The following RAB10 variants were observed in gnomAD, a reference collection of about 807,000 sequenced individuals.
The protein encoded by RAB10 is ras-related protein Rab-10.
A neutral mutation model predicts 25.7 loss-of-function variants in RAB10; 5 were observed. The ratio of observed to expected loss-of-function variants is 0.19; its 90% confidence interval spans 0.10 to 0.41. RAB10 has a LOEUF of 0.41. RAB10 is among the 10% of genes least tolerant of loss of function. The pLI, the probability that RAB10 is intolerant of heterozygous loss-of-function variation, is 1.00. For missense variants in RAB10, 103 were observed against 245.8 expected (o/e 0.42, Z 3.89); for synonymous variants, 89 against 86.4 (o/e 1.03, Z -0.16).
chr2:26,042,027 A>C (rs910023710), intron 1 of RAB10, among the ~76,000 whole-genome samples: 2 of 152,224 alleles, frequency 1.3e-5, no homozygotes, highest in African/African-American at 2.4e-5. Context: ...TGGTAGTATG[A>C]GCTCAGGAAT....
chr2:26,108,907 T>G (rs1667518890), intron 2 of RAB10, among the ~76,000 whole-genome samples: 1 of 150,464 alleles, frequency 6.6e-6, no homozygotes, highest in South Asian at 2.1e-4. Context: ...ATTTATTTAT[T>G]TATTTATTTA....
chr2:26,136,966 T>G lies in RAB10; in HGVS notation c.*1945T>G, dbSNP rs1248669548. ...TTTGAAAAGTTTAGGTTAAACCTAC[T>G]GTTGTTAGATTAATGTATTTGTTGC... On this transcript the variant is annotated 3_prime_UTR_variant, in exon 6 of 6. Coordinates refer to ENST00000264710, the MANE Select transcript of RAB10 (RefSeq NM_016131.5). The G allele has an allele frequency of 6.5e-6, 1 of 152,672 alleles. No homozygotes were observed. Among genetic ancestry groups the G allele is most frequent in the Admixed American group, 6.5e-5 (1 of 15,282 alleles). The allele number at this position is 152,672 out of a possible 1,614,324, so 9.5% of individuals were successfully genotyped here. A position where few individuals can be genotyped will look rare whatever the true frequency, so the allele number is the denominator to read the frequency against.
At chr2:26,076,445 GTTA>G (rs200660648) in intron 1 of RAB10, among the ~76,000 whole-genome samples, 1 of 152,152 alleles carries the variant, frequency 6.6e-6, no homozygotes, top group East Asian at 1.9e-4. Context: ...AATCCAGGTA[GTTA>G]TTTGAGGCAG....
chr2:26,065,155 A>C (rs374766957), intron 1 of RAB10, among the ~76,000 whole-genome samples: 1 of 152,120 alleles, frequency 6.6e-6, no homozygotes. Flanking sequence ...GTGAGTATTC[A>C]GTGTGTTTGT....
At chr2:26,110,034 T>G (rs1004979147) in intron 3 of RAB10, 128 bp downstream of exon 3, 5 of 1,124,984 alleles carry the variant, frequency 4.4e-6, no homozygotes, top group Non-Finnish European at 5.9e-6. Flanking sequence ...GAAGTATTTC[T>G]ATTTTCTAAA....
Position 26,110,889 on chromosome 2 carries a change from A to G in RAB10, c.327+983A>G, listed in dbSNP as rs377436043. Among the ~76,000 whole-genome samples, 93 of 152,194 alleles carry G rather than the reference A, an allele frequency of 6.1e-4. 2 individuals are homozygous for G. In the South Asian group the frequency reaches 0.018, roughly 30 times the overall value. ...CCCGGCTAATTTTTGTATTTGTAGT[A>G]GAGATGGGGTCTCGCCATGTTGGCC... On this transcript the variant is annotated intron_variant, in intron 3 of 5. Coordinates refer to ENST00000264710, the MANE Select transcript of RAB10 (RefSeq NM_016131.5).
intron 1 of RAB10, among the ~76,000 whole-genome samples, chr2:26,070,607 A>G (rs529487268): frequency 6.6e-6 from 1 of 152,318 alleles, no homozygotes; most frequent in South Asian, 2.1e-4. Context: ...GAGTTTAATG[A>G]CCTGCCCTTG....
rs183245022 is a variant in RAB10, at chr2:26,119,000, G to T, written c.328-8144G>T. 2.0e-3 allele frequency among the ~76,000 whole-genome samples: 305 copies of T among 152,324 alleles called. 1 individual carries two copies. Among genetic ancestry groups the T allele is most frequent in the Non-Finnish European group, 3.4e-3 (232 of 68,028 alleles). On this transcript the variant is annotated intron_variant, in intron 3 of 5. Transcript: ENST00000264710. ...AATGTGCATGTTGGCATAAGAAAAT[G>T]TATGAGAGAAGTTCTGTGTATTCTG...
intron 5 of RAB10, among the ~76,000 whole-genome samples, chr2:26,128,951 T>A (rs1667957466): frequency 6.6e-6 from 1 of 152,162 alleles, no homozygotes. Context: ...CTGTTGAAAT[T>A]TTAAATGCAA....
At chr2:26,095,532 G>A (rs1018870422) in intron 1 of RAB10, among the ~76,000 whole-genome samples, 56 of 152,090 alleles carry the variant, frequency 3.7e-4, no homozygotes, top group African/African-American at 1.2e-3. Flanking sequence ...GCATGAACCC[G>A]GGAGGCGGAG....
At chr2:26,132,056 C>T (rs1011227653) in intron 5 of RAB10, among the ~76,000 whole-genome samples, 2 of 152,158 alleles carry the variant, frequency 1.3e-5, no homozygotes, top group African/African-American at 4.8e-5. Context: ...TGTACATTTG[C>T]AATTTTGATA....
intron 2 of RAB10, among the ~76,000 whole-genome samples, chr2:26,104,243 T>C (rs1667419391): frequency 6.6e-6 from 1 of 152,196 alleles, no homozygotes; most frequent in Non-Finnish European, 1.5e-5. Flanking sequence ...CACTAACGTA[T>C]ATTGTCGTTT....
chr2:26,113,767 A>G (rs570201163), intron 3 of RAB10, among the ~76,000 whole-genome samples: 14 of 151,792 alleles, frequency 9.2e-5, no homozygotes, highest in Admixed American at 6.6e-4. Context: ...AAAAGAAAGA[A>G]AGAAAAAAAG....
intron 1 of RAB10, among the ~76,000 whole-genome samples, chr2:26,093,365 C>T (rs184489494): frequency 7.2e-5 from 11 of 152,240 alleles, no homozygotes; most frequent in Non-Finnish European, 1.0e-4. Flanking sequence ...ATACTATCAT[C>T]CATCTGCCAT....
At chr2:26,083,477 G>C (rs931958429) in intron 1 of RAB10, among the ~76,000 whole-genome samples, 1 of 123,686 alleles carries the variant, frequency 8.1e-6, no homozygotes, top group Non-Finnish European at 1.6e-5. Context: ...TTCCTTCCCT[G>C]TACTTTCCTT....
intron 1 of RAB10, among the ~76,000 whole-genome samples, chr2:26,045,028 G>C (rs539029480): frequency 7.3e-5 from 11 of 150,776 alleles, no homozygotes; most frequent in African/African-American, 2.7e-4. Flanking sequence ...GAATAGGTAA[G>C]TAACAAGTCT....
chr2:26,127,380 G>A, intron 4 of RAB10, 147 bp downstream of exon 4: 1 of 650,580 alleles, frequency 1.5e-6, no homozygotes, highest in Non-Finnish European at 2.5e-6. Context: ...TTTATCATTT[G>A]AGTGAATTTT....
rs188569009 is a variant in RAB10, at chr2:26,088,547, A to G, written c.128-10115A>G. Among the ~76,000 whole-genome samples, 213 of 152,028 alleles carry G rather than the reference A, an allele frequency of 1.4e-3. 3 individuals carry two copies. The highest frequency in any genetic ancestry group is 0.013 in the South Asian group (61 of 4,810). The stretch of plus-strand genomic sequence containing the variant: ...TCTAGCATCTCTTATTAGCTGAGCT[A>G]TTGACTTTCCTCTCATCTCTCAATT... On this transcript the variant is annotated intron_variant, in intron 1 of 5. Coordinates refer to ENST00000264710, the MANE Select transcript of RAB10 (RefSeq NM_016131.5).
chr2:26,085,483 T>G, intron 1 of RAB10, among the ~76,000 whole-genome samples: 1 of 143,228 alleles, frequency 7.0e-6, no homozygotes, highest in Non-Finnish European at 1.5e-5. Flanking sequence ...AGCAAGACTG[T>G]GTCTCAAAAA....
Sources: gnomAD v4.1 joint callset for allele counts (sites outside exome capture counted in the v4.1 genomes callset) on GRCh38, gnomAD v4.1.1 for gene constraint, MANE v1.5 for transcripts, NCBI Gene and HGNC (gene_info 2026-07-23, HGNC 2026-07-21) for gene names.